The following SCLT1 variants were observed in gnomAD, a reference collection of about 807,000 sequenced individuals.
The protein encoded by SCLT1 is sodium channel and clathrin linker 1.
Under a neutral mutation model 112.8 loss-of-function variants are expected in SCLT1, and 78 were observed. The observed-to-expected ratio is 0.69, with a 90% CI of 0.58 to 0.83. SCLT1 has a LOEUF of 0.83. Among genes scored for constraint, SCLT1 ranks in the 40% least tolerant of loss-of-function variants. SCLT1 has a pLI of 0.00. For missense variants in SCLT1, 747 were observed against 770.4 expected (o/e 0.97, Z 0.36); for synonymous variants, 257 against 254.7 (o/e 1.01, Z -0.09).
At chr4:128,908,124 A>G (rs957945816) in intron 18 of SCLT1, among the ~76,000 whole-genome samples, 1 of 152,212 alleles carries the variant, frequency 6.6e-6, no homozygotes, top group African/African-American at 2.4e-5. Flanking sequence ...TGATGATTAA[A>G]TTGCATAAGG....
intron 2 of SCLT1, among the ~76,000 whole-genome samples, chr4:129,060,349 T>C (rs1486979994): frequency 6.6e-6 from 1 of 152,210 alleles, no homozygotes; most frequent in Non-Finnish European, 1.5e-5. Context: ...ATTGGGTTCT[T>C]TTACTAAAGA....
intron 2 of SCLT1, among the ~76,000 whole-genome samples, chr4:129,059,253 G>A (rs1050244583): frequency 1.3e-5 from 2 of 152,100 alleles, no homozygotes; most frequent in African/African-American, 4.8e-5. Flanking sequence ...TATCTTTTAA[G>A]TGGGAAATGG....
intron 2 of SCLT1, among the ~76,000 whole-genome samples, chr4:129,050,212 G>T (rs1476626464): frequency 6.6e-6 from 1 of 152,066 alleles, no homozygotes; most frequent in Non-Finnish European, 1.5e-5. Context: ...GTGTGCATGT[G>T]TCTTTATAGA....
intron 18 of SCLT1, among the ~76,000 whole-genome samples, chr4:128,933,329 C>CT (rs370585727): frequency 6.6e-6 from 1 of 151,866 alleles, no homozygotes; most frequent in African/African-American, 2.4e-5. Flanking sequence ...TGACCAAAGA[C>CT]TTTTTTTTCT....
At chr4:129,069,686 C>T (rs937277857) in intron 2 of SCLT1, among the ~76,000 whole-genome samples, 2 of 152,084 alleles carry the variant, frequency 1.3e-5, no homozygotes, top group African/African-American at 4.8e-5. Context: ...GGTAAATGAT[C>T]ATATCATCAG....
intron 14 of SCLT1, among the ~76,000 whole-genome samples, chr4:128,950,537 T>TG (rs1560882211): frequency 6.6e-6 from 1 of 152,154 alleles, no homozygotes; most frequent in Non-Finnish European, 1.5e-5. Context: ...TGCCTACCTT[T>TG]GGGGGAAAAT....
chr4:128,916,588 T>C (rs748093225), intron 18 of SCLT1, among the ~76,000 whole-genome samples: 5 of 152,182 alleles, frequency 3.3e-5, no homozygotes, highest in Admixed American at 6.5e-5. Flanking sequence ...GCACAGGCAG[T>C]CCATCATTAA....
At chr4:129,092,623 C>T (rs1229709362) in intron 1 of SCLT1, among the ~76,000 whole-genome samples, 2 of 152,216 alleles carry the variant, frequency 1.3e-5, no homozygotes, top group East Asian at 3.8e-4. Flanking sequence ...ACATTTCCCT[C>T]CCCAAATTAA....
intron 5 of SCLT1, among the ~76,000 whole-genome samples, chr4:129,030,626 G>A (rs1323909107): frequency 1.3e-5 from 2 of 151,784 alleles, no homozygotes; most frequent in African/African-American, 4.8e-5. Flanking sequence ...ATGATAATGG[G>A]GATATCACCA....
At chr4:129,057,409 CTTTT>C (rs35098310) in intron 2 of SCLT1, among the ~76,000 whole-genome samples, 12 of 132,604 alleles carry the variant, frequency 9.0e-5, no homozygotes, top group African/African-American at 1.4e-4. Flanking sequence ...TAATATTATT[CTTTT>C]TTTTTTTTTT....
At chr4:129,062,392 T>C (rs1287848875) in intron 2 of SCLT1, among the ~76,000 whole-genome samples, 2 of 152,126 alleles carry the variant, frequency 1.3e-5, no homozygotes, top group African/African-American at 2.4e-5. Context: ...GATGTCACTT[T>C]TTCTCTTTTA....
chr4:129,049,183 A>C (rs1748502570), intron 2 of SCLT1, among the ~76,000 whole-genome samples: 1 of 151,770 alleles, frequency 6.6e-6, no homozygotes, highest in South Asian at 2.1e-4. Context: ...ATGCACACGT[A>C]TGTTTACTGC....
intron 5 of SCLT1, among the ~76,000 whole-genome samples, chr4:129,006,574 A>G (rs150322087): frequency 1.1e-4 from 17 of 152,040 alleles, no homozygotes; most frequent in African/African-American, 3.1e-4. Context: ...TCACAGAAAT[A>G]TCGTAATTGT....
intron 14 of SCLT1, 21 bp from the exon 15 acceptor site, chr4:128,948,591 G>A: frequency 1.3e-6 from 2 of 1,544,454 alleles, no homozygotes; most frequent in South Asian, 1.1e-5. Context: ...AAGTCATATT[G>A]TAAATATATA....
intron 16 of SCLT1, among the ~76,000 whole-genome samples, chr4:128,943,434 C>G (rs1051079805): frequency 6.6e-6 from 1 of 151,996 alleles, no homozygotes; most frequent in African/African-American, 2.4e-5. Flanking sequence ...TCTAGAAAAT[C>G]AATGTGAGAC....
intron 1 of SCLT1, among the ~76,000 whole-genome samples, chr4:129,084,648 A>C (rs909029481): frequency 1.3e-5 from 2 of 152,224 alleles, no homozygotes; most frequent in South Asian, 4.1e-4. Flanking sequence ...TAACCAAAAC[A>C]GCATGGTACT....
chr4:129,064,973 T>C (rs1207135265), intron 2 of SCLT1, among the ~76,000 whole-genome samples: 1 of 152,150 alleles, frequency 6.6e-6, no homozygotes, highest in Non-Finnish European at 1.5e-5. Context: ...TTCAGTGTTC[T>C]ACATAAGTCA....
chr4:129,059,627 A>G (rs1254055343), intron 2 of SCLT1, among the ~76,000 whole-genome samples: 1 of 152,116 alleles, frequency 6.6e-6, no homozygotes, highest in African/African-American at 2.4e-5. Context: ...GTTGCTGGGT[A>G]TAGTATTCTT....
chr4:128,939,393 AC>A (rs1357511540), intron 17 of SCLT1, among the ~76,000 whole-genome samples: 2 of 152,190 alleles, frequency 1.3e-5, no homozygotes, highest in African/African-American at 2.4e-5. Flanking sequence ...TTTAGTATAT[AC>A]AATTCGAATT....
Sources: allele counts gnomAD v4.1 joint callset (sites outside exome capture counted in the v4.1 genomes callset), GRCh38; gene constraint gnomAD v4.1.1; transcripts MANE v1.5; gene names NCBI Gene and HGNC (gene_info 2026-07-23, HGNC 2026-07-21).